Variants in BCL7C observed in about 807,000 individuals in gnomAD.
BCL7C encodes the protein BAF chromatin remodeling complex subunit BCL7C.
In BCL7C, 8 loss-of-function variants were observed where a neutral mutation model predicts 26.2. That is an observed-to-expected ratio of 0.30 (90% CI 0.18 to 0.55). The LOEUF is 0.55. BCL7C is among the 20% of genes least tolerant of loss of function. The pLI is 0.93. For synonymous variants in BCL7C, 90 were observed against 116.5 expected (o/e 0.77, Z 1.47); for missense variants, 262 against 298.5 (o/e 0.88, Z 0.90).
intron 4 of BCL7C, among the ~76,000 whole-genome samples, chr16:30,891,038 G>A (rs1567324997): frequency 6.6e-6 from 1 of 151,684 alleles, no homozygotes; most frequent in Admixed American, 6.6e-5. Flanking sequence ...GGGCATGGTG[G>A]CATGCCTGTA....
chr16:30,855,452 AGGCTG>A (rs1487899682), intron 5 of BCL7C, among the ~76,000 whole-genome samples: 1 of 151,916 alleles, frequency 6.6e-6, no homozygotes, highest in Non-Finnish European at 1.5e-5. Flanking sequence ...CACATTGGCC[AGGCTG>A]GTCTTGAACT....
chr16:30,846,506 C>T (rs2054636897), intron 5 of BCL7C, among the ~76,000 whole-genome samples: 1 of 152,058 alleles, frequency 6.6e-6, no homozygotes, highest in African/African-American at 2.4e-5. Flanking sequence ...GGATTACAGG[C>T]ATGAGCCACT....
intron 5 of BCL7C, among the ~76,000 whole-genome samples, chr16:30,855,877 A>G (rs1596590075): frequency 6.6e-6 from 1 of 151,404 alleles, no homozygotes; most frequent in East Asian, 2.0e-4. Flanking sequence ...CCTGACCAAC[A>G]TGGAAAAACC....
At chr16:30,865,192 A>C (rs2054814807) in intron 5 of BCL7C, among the ~76,000 whole-genome samples, 1 of 151,290 alleles carries the variant, frequency 6.6e-6, no homozygotes, top group South Asian at 2.1e-4. Context: ...AAAAAAAAAA[A>C]AGTACTTTGT....
intron 4 of BCL7C, among the ~76,000 whole-genome samples, chr16:30,891,187 G>A (rs1465079833): frequency 2.3e-4 from 25 of 107,828 alleles, no homozygotes; most frequent in Non-Finnish European, 3.1e-4. Flanking sequence ...AAAAAAAAAA[G>A]GCTGGGCGTG....
intron 5 of BCL7C, among the ~76,000 whole-genome samples, chr16:30,852,930 T>A (rs943665621): frequency 1.0e-4 from 13 of 127,262 alleles, no homozygotes; most frequent in Non-Finnish European, 2.1e-4. Context: ...AAGCTTTTTC[T>A]ATTTTATTTT....
chr16:30,846,259 T>C (rs1417095373), intron 5 of BCL7C, among the ~76,000 whole-genome samples: 1 of 145,026 alleles, frequency 6.9e-6, no homozygotes, highest in Non-Finnish European at 1.5e-5. Context: ...GGAGTCTCAC[T>C]CTGTGGCCCA....
chr16:30,871,604 C>T (rs1385112795), intron 5 of BCL7C, among the ~76,000 whole-genome samples: 1 of 152,034 alleles, frequency 6.6e-6, no homozygotes, highest in African/African-American at 2.4e-5. Context: ...CCTGCCTCAG[C>T]CTCCTGAGTA....
At position 30,857,541 on chromosome 16, in the gene BCL7C, A is replaced by C. The variant is rs548868890; in HGVS notation, c.529-22393T>G. 9.2e-4 allele frequency among the ~76,000 whole-genome samples: 140 copies of C among 152,270 alleles called. 1 individual carries two copies. Among genetic ancestry groups the C allele is most frequent in the Non-Finnish European group, 1.4e-3 (98 of 68,010 alleles). ...AATGGCTGCTAGGCTATTGGTTCTC[A>C]CAGGTCTCTTAGTTGTGAGGCTCTT... On this transcript the variant is annotated intron_variant, in intron 5 of 5. Transcript: ENST00000380317.
At chr16:30,856,293 G>A (rs1274656631) in intron 5 of BCL7C, among the ~76,000 whole-genome samples, 1 of 151,400 alleles carries the variant, frequency 6.6e-6, no homozygotes, top group Non-Finnish European at 1.5e-5. Flanking sequence ...TACAAAAAAT[G>A]AGCTGAGCAT....
intron 4 of BCL7C, 149 bp downstream of exon 4, chr16:30,892,437 T>G: frequency 1.5e-6 from 1 of 651,958 alleles, no homozygotes; most frequent in East Asian, 2.9e-5. Context: ...GGAATGAGAC[T>G]GTAGCTACAG....
At chr16:30,882,877 G>A (rs920962056), downstream of BCL7C, among the ~76,000 whole-genome samples, 9 of 152,240 alleles carry the variant, frequency 5.9e-5, no homozygotes, top group African/African-American at 2.2e-4. Context: ...CTAACAGGAC[G>A]TGGTGGTTCC....
intron 5 of BCL7C, chr16:30,835,176 A>G (rs1304195366): frequency 2.8e-6 from 4 of 1,448,340 alleles, no homozygotes; most frequent in African/African-American, 1.4e-5. Context: ...GAATCTGGGT[A>G]GTGTTTCCTC....
chr16:30,891,611 C>A (rs1043423002), intron 4 of BCL7C, among the ~76,000 whole-genome samples: 1 of 152,114 alleles, frequency 6.6e-6, no homozygotes, highest in African/African-American at 2.4e-5. Context: ...ATTCACTCAA[C>A]AGATATTTAC....
intron 5 of BCL7C, among the ~76,000 whole-genome samples, chr16:30,861,745 T>G (rs1279400493): frequency 6.6e-6 from 1 of 151,956 alleles, no homozygotes; most frequent in African/African-American, 2.4e-5. Flanking sequence ...GGCTACCCAC[T>G]CCACATTACC....
intron 5 of BCL7C, among the ~76,000 whole-genome samples, chr16:30,882,062 G>A (rs989448362): frequency 6.6e-6 from 1 of 151,868 alleles, no homozygotes; most frequent in African/African-American, 2.4e-5. Context: ...CAGGGTTCAA[G>A]TGAATCTCCC....
chr16:30,874,357 C>T (rs1596605876), intron 5 of BCL7C, among the ~76,000 whole-genome samples: 1 of 152,064 alleles, frequency 6.6e-6, no homozygotes, highest in African/African-American at 2.4e-5. Flanking sequence ...TGGCTCATGC[C>T]TGTAATCCCA....
intron 5 of BCL7C, among the ~76,000 whole-genome samples, chr16:30,879,694 A>AAAAAAAAAAAAAAAAC (rs2055010565): frequency 7.1e-6 from 1 of 140,740 alleles, no homozygotes; most frequent in Non-Finnish European, 1.5e-5. Context: ...CTCTACAAAA[A>AAAAAAAAAAAAAAAAC]AAAAAAAAAA....
Position 30,893,825 on chromosome 16 carries a change from C to G in BCL7C, c.92+28G>C. On this transcript the variant is annotated intron_variant, in intron 1 of 5. Transcript: ENST00000215115. This position sits in a 1 kb window ranked among gnomAD's most constrained non-coding sequence, Gnocchi z 5.2. ...TTGGTGCTGGTGGTCCCGCTGTGTCCCGTCCCTGGCCCCCGAGCAGCGCTC... is the reference window on the plus strand; with the variant it reads ...TTGGTGCTGGTGGTCCCGCTGTGTCGCGTCCCTGGCCCCCGAGCAGCGCTC... 6.3e-7 allele frequency: 1 copy of G among 1,592,908 alleles called. No homozygotes were observed. Among genetic ancestry groups the G allele is most frequent in the South Asian group, 1.1e-5 (1 of 90,728 alleles).
Sources: allele counts gnomAD v4.1 joint callset (sites outside exome capture counted in the v4.1 genomes callset), GRCh38; gene constraint gnomAD v4.1.1; non-coding constraint Gnocchi (gnomAD v3.1); transcripts MANE v1.5; gene names NCBI Gene and HGNC (gene_info 2026-07-23, HGNC 2026-07-21).